FTO: variants seen among roughly 807,000 people sequenced by gnomAD.
FTO encodes the protein FTO alpha-ketoglutarate dependent dioxygenase, also known as alpha-ketoglutarate-dependent dioxygenase FTO.
A neutral mutation model predicts 63.9 loss-of-function variants in FTO; 47 were observed. The observed-to-expected ratio is 0.74, with a 90% CI of 0.58 to 0.94. The LOEUF (loss-of-function observed/expected upper bound fraction) is 0.94, where lower values mean the gene tolerates loss of function less well. Among genes scored for constraint, FTO ranks in the 40% least tolerant of loss-of-function variants. The pLI, the probability that FTO is intolerant of heterozygous loss-of-function variation, is 0.00. For missense variants in FTO, 562 were observed against 618.1 expected, an observed-to-expected ratio of 0.91 and a Z score of 0.96; for synonymous variants, 207 against 224.4, an observed-to-expected ratio of 0.92 and a Z score of 0.69.
chr16:53,926,503 A>G (rs2082141057), intron 7 of FTO, among the ~76,000 whole-genome samples: 1 of 152,220 alleles, frequency 6.6e-6, no homozygotes, highest in Non-Finnish European at 1.5e-5. Context: ...TTCTGGTCTA[A>G]TGGAGCCCAC....
chr16:54,055,763 G>A (rs2085417717), intron 8 of FTO, among the ~76,000 whole-genome samples: 1 of 152,188 alleles, frequency 6.6e-6, no homozygotes, highest in Admixed American at 6.5e-5. Context: ...ACACAGGAAG[G>A]TTTTGTTTGG....
At chr16:53,971,768 G>A (rs549632525) in intron 8 of FTO, among the ~76,000 whole-genome samples, 20 of 152,286 alleles carry the variant, frequency 1.3e-4, no homozygotes, top group African/African-American at 4.1e-4. Context: ...TCCCCTTCCC[G>A]AAGAGGGGCT....
intron 1 of FTO, among the ~76,000 whole-genome samples, chr16:53,809,350 C>A (rs573703011): frequency 2.0e-5 from 3 of 152,130 alleles, no homozygotes; most frequent in Admixed American, 2.0e-4. Context: ...TAAATGTTTA[C>A]AAGATGAATA....
intron 4 of FTO, among the ~76,000 whole-genome samples, chr16:53,850,754 A>AG (rs143875262): frequency 0.026 from 3,984 of 151,664 alleles, 174 homozygotes; most frequent in African/African-American, 0.091. Context: ...TTTTTTTTCC[A>AG]GAAAAAAAAA....
chr16:54,014,405 C>G (rs563574656), intron 8 of FTO, among the ~76,000 whole-genome samples: 13 of 152,096 alleles, frequency 8.5e-5, no homozygotes, highest in Non-Finnish European at 1.8e-4. Context: ...CCCTCTCTCT[C>G]TCTTGCTTCC....
At chr16:53,811,762 C>G (rs1025450310) in intron 2 of FTO, among the ~76,000 whole-genome samples, 1 of 152,054 alleles carries the variant, frequency 6.6e-6, no homozygotes, top group African/African-American at 2.4e-5. Context: ...ATCTTTGGGG[C>G]CTTCTTGCTA....
intron 1 of FTO, among the ~76,000 whole-genome samples, chr16:53,753,407 T>C (rs2076846132): frequency 1.5e-5 from 2 of 134,302 alleles, no homozygotes; most frequent in Admixed American, 1.5e-4. Flanking sequence ...GAACTTACAC[T>C]TTTTTTTTTT....
intron 1 of FTO, among the ~76,000 whole-genome samples, chr16:53,744,717 G>T (rs1213357718): frequency 6.6e-6 from 1 of 152,190 alleles, no homozygotes; most frequent in Non-Finnish European, 1.5e-5. Context: ...ATTGCCGAGT[G>T]CTTCTTGTTT....
At chr16:53,763,846 T>A (rs1199981400) in intron 1 of FTO, among the ~76,000 whole-genome samples, 1 of 152,214 alleles carries the variant, frequency 6.6e-6, no homozygotes, top group Non-Finnish European at 1.5e-5. Flanking sequence ...TAGATCTATT[T>A]GTGAAAGGGT....
At chr16:53,940,623 G>A (rs983735763) in intron 8 of FTO, among the ~76,000 whole-genome samples, 8 of 152,166 alleles carry the variant, frequency 5.3e-5, no homozygotes, top group African/African-American at 1.9e-4. Context: ...GCTCAAACAG[G>A]AGTTACTGTA....
chr16:54,034,992 A>G (rs1463727336), intron 8 of FTO, among the ~76,000 whole-genome samples: 3 of 152,202 alleles, frequency 2.0e-5, no homozygotes, highest in Non-Finnish European at 4.4e-5. Flanking sequence ...GGTTGGGATT[A>G]TCCATTTTGA....
chr16:53,902,239 T>C (rs1258718601), intron 7 of FTO, among the ~76,000 whole-genome samples: 1 of 152,204 alleles, frequency 6.6e-6, no homozygotes, highest in East Asian at 1.9e-4. Flanking sequence ...TGCTAGGCTC[T>C]GACAAGCTGA....
chr16:53,839,873 C>T (rs1311393076), intron 3 of FTO, among the ~76,000 whole-genome samples: 5 of 151,320 alleles, frequency 3.3e-5, no homozygotes, highest in East Asian at 3.9e-4. Flanking sequence ...GGCGCGATCT[C>T]GGCTCACTGC....
chr16:53,933,745 G>A (rs749057005), intron 7 of FTO, among the ~76,000 whole-genome samples: 6 of 152,108 alleles, frequency 3.9e-5, no homozygotes, highest in Admixed American at 1.3e-4. Context: ...GTAAGAATGC[G>A]CAGTATCTTG....
At chr16:53,823,423 C>G (rs990909721) in intron 2 of FTO, among the ~76,000 whole-genome samples, 4 of 152,006 alleles carry the variant, frequency 2.6e-5, no homozygotes, top group Admixed American at 2.6e-4. Context: ...AAGCTGTGTG[C>G]TGATCACTCC....
In FTO at chr16:54,091,169, G is replaced by A. The variant is rs137933123; in HGVS notation, c.1365-20593G>A. Among the ~76,000 whole-genome samples the A allele has an allele frequency of 4.1e-3, 625 of 152,246 alleles. 3 individuals are homozygous for A. Among genetic ancestry groups the A allele is most frequent in the African/African-American group, 0.013 (544 of 41,532 alleles). On this transcript the variant is annotated intron_variant, in intron 8 of 8. Coordinates refer to ENST00000471389, the MANE Select transcript of FTO (RefSeq NM_001080432.3). ...GGAGGCTAGTTACCACAAACACCAT[G>A]GACATATGCATGGAACAAGTGAGAG...
intron 8 of FTO, among the ~76,000 whole-genome samples, chr16:53,975,420 CAGAATTTAGTCAT>C (rs2083414482): frequency 1.3e-5 from 2 of 152,030 alleles, no homozygotes; most frequent in South Asian, 4.1e-4. Context: ...TGCTATTACA[CAGAATTTAGTCAT>C]TTGTATAAAG....
At chr16:54,050,238 G>A (rs965122160) in intron 8 of FTO, among the ~76,000 whole-genome samples, 1 of 152,172 alleles carries the variant, frequency 6.6e-6, no homozygotes, top group East Asian at 1.9e-4. Context: ...TTAAAGGCCC[G>A]GCTCTCTGGT....
chr16:54,022,141 A>T (rs1280962662), intron 8 of FTO, among the ~76,000 whole-genome samples: 1 of 152,212 alleles, frequency 6.6e-6, no homozygotes, highest in Non-Finnish European at 1.5e-5. Flanking sequence ...AAACAAAAAA[A>T]CAAAAAGAAA....
Sources: allele counts gnomAD v4.1 joint callset (sites outside exome capture counted in the v4.1 genomes callset), GRCh38; gene constraint gnomAD v4.1.1; transcripts MANE v1.5; gene names NCBI Gene and HGNC (gene_info 2026-07-23, HGNC 2026-07-21).